BST1: variants seen among roughly 807,000 people sequenced by gnomAD.
The protein encoded by BST1 is ADP-ribosyl cyclase/cyclic ADP-ribose hydrolase 2.
Under a neutral mutation model 40.6 loss-of-function variants are expected in BST1, and 49 were observed. The observed-to-expected ratio is 1.21, with a 90% CI of 0.96 to 1.53. The LOEUF is 1.53. Among genes scored for constraint, BST1 ranks in the 40% most tolerant of loss-of-function variants. The pLI is 0.00. For missense variants in BST1, 423 were observed against 395.9 expected (o/e 1.07, Z -0.58); for synonymous variants, 157 against 159.3 (o/e 0.99, Z 0.11).
the BST1 span, among the ~76,000 whole-genome samples, chr4:15,748,922 A>T: frequency 2.0e-5 from 3 of 152,336 alleles, no homozygotes; most frequent in East Asian, 5.8e-4. Context: ...CAAGAGTCGC[A>T]GTAATTGAAA....
the BST1 span, among the ~76,000 whole-genome samples, chr4:15,773,204 C>T: frequency 6.6e-6 from 1 of 152,108 alleles, no homozygotes; most frequent in Admixed American, 6.5e-5. Flanking sequence ...AATTTGCAGG[C>T]AGTAGGAACT....
Position 15,731,971 on chromosome 4 carries a change from CTGAAAA to C in BST1, c.*129_*134del. On this transcript the variant is annotated 3_prime_UTR_variant, in exon 9 of 9. Coordinates refer to ENST00000265016, the MANE Select transcript of BST1 (RefSeq NM_004334.3). ...AGCTTTTTGCTGGGAAAACGATGTC[CTGAAAA>C]TGGTATTTCAATGAGGCATATGTTC... 7.2e-7 allele frequency: 1 copy of C among 1,392,894 alleles called. No homozygotes were observed. Among genetic ancestry groups the C allele is most frequent in the Non-Finnish European group, 9.4e-7 (1 of 1,068,306 alleles). The allele number at this position is 1,392,894 out of a possible 1,614,324, so 86.3% of individuals were successfully genotyped here. A position where few individuals can be genotyped will look rare whatever the true frequency, so the allele number is the denominator to read the frequency against.
chr4:15,734,418 A>G (rs938373056), downstream of BST1, among the ~76,000 whole-genome samples: 8 of 152,178 alleles, frequency 5.3e-5, no homozygotes, highest in Non-Finnish European at 1.2e-4. Flanking sequence ...AAAATATAAA[A>G]CTTAATTATA....
intron 1 of BST1, 86 bp downstream of exon 1, chr4:15,703,418 C>T (rs2148873698): frequency 2.8e-6 from 4 of 1,413,034 alleles, no homozygotes; most frequent in Non-Finnish European, 3.7e-6. Flanking sequence ...CGCTAAAGTT[C>T]GGGGTGAGGG....
chr4:15,749,758 G>A, the BST1 span, among the ~76,000 whole-genome samples: 1 of 152,226 alleles, frequency 6.6e-6, no homozygotes, highest in East Asian at 1.9e-4. Context: ...AAACAGGCAT[G>A]CAATGTGAAA....
downstream of BST1, chr4:15,736,002 G>A: frequency 8.9e-7 from 1 of 1,122,428 alleles, no homozygotes; most frequent in Non-Finnish European, 1.2e-6. Context: ...ACTGCACGCA[G>A]AGTAGCAGAC....
the BST1 span, among the ~76,000 whole-genome samples, chr4:15,753,751 A>G: frequency 1.3e-5 from 2 of 152,216 alleles, no homozygotes; most frequent in Non-Finnish European, 2.9e-5. Context: ...CAGATAGCAC[A>G]CTCAAATCAG....
intron 2 of BST1, among the ~76,000 whole-genome samples, chr4:15,706,496 T>C (rs1359751105): frequency 6.6e-6 from 1 of 152,232 alleles, no homozygotes; most frequent in Non-Finnish European, 1.5e-5. Flanking sequence ...ATATTCTGTA[T>C]ACACTCTCAG....
the BST1 span, among the ~76,000 whole-genome samples, chr4:15,764,873 GGTGTGT>G: frequency 2.2e-5 from 3 of 137,458 alleles, no homozygotes; most frequent in African/African-American, 5.5e-5. Context: ...AATTAGGTGA[GGTGTGT>G]GTGTGTGTGT....
At chr4:15,756,038 A>G in the BST1 span, among the ~76,000 whole-genome samples, 2 of 152,212 alleles carry the variant, frequency 1.3e-5, no homozygotes, top group African/African-American at 4.8e-5. Flanking sequence ...ATAAACATAA[A>G]CTTAAAAATT....
chr4:15,742,158 A>G (rs115272053), downstream of BST1, among the ~76,000 whole-genome samples: 437 of 152,300 alleles, frequency 2.9e-3, 1 homozygote, highest in African/African-American at 0.01. Context: ...TAAGTTTGCT[A>G]TGGTTTGAAT....
chr4:15,760,587 T>C, the BST1 span, among the ~76,000 whole-genome samples: 2 of 151,906 alleles, frequency 1.3e-5, no homozygotes, highest in African/African-American at 2.4e-5. Flanking sequence ...TTAAAACTAT[T>C]TATTAAATAA....
intron 7 of BST1, among the ~76,000 whole-genome samples, chr4:15,720,550 A>G (rs1467167791): frequency 3.3e-5 from 5 of 151,096 alleles, no homozygotes; most frequent in African/African-American, 4.9e-5. Context: ...CAGAGGTTCC[A>G]GTGAGCCAGG....
chr4:15,722,837 AT>A (rs1720884348), intron 7 of BST1, 37 bp from the exon 8 acceptor site: 11 of 1,583,852 alleles, frequency 6.9e-6, no homozygotes, highest in Non-Finnish European at 9.5e-6. Flanking sequence ...GATGAAAGTT[AT>A]TTAAATAATC....
chr4:15,736,751 T>C (rs115129126), downstream of BST1, among the ~76,000 whole-genome samples: 57 of 152,348 alleles, frequency 3.7e-4, no homozygotes, highest in Middle Eastern at 3.4e-3. Context: ...CCTTTGGATC[T>C]GGTACCTTTG....
chr4:15,765,475 A>G, the BST1 span, among the ~76,000 whole-genome samples: 5 of 152,136 alleles, frequency 3.3e-5, no homozygotes, highest in South Asian at 1.0e-3. Context: ...ACAAACAGCC[A>G]GAGTGAGCCT....
chr4:15,769,539 G>T, the BST1 span, among the ~76,000 whole-genome samples: 2 of 152,140 alleles, frequency 1.3e-5, no homozygotes, highest in Non-Finnish European at 2.9e-5. Flanking sequence ...GAGATGCTCA[G>T]GCTCAAAGAG....
rs1719833455 is a variant in BST1 at position 15,705,554 on chromosome 4, G to A, written c.228G>A (p.Val76=). 6.2e-7 allele frequency: 1 copy of A among 1,606,090 alleles called. No homozygotes were observed. The highest frequency in any genetic ancestry group is 8.5e-7 in the Non-Finnish European group (1 of 1,176,754). The stretch of plus-strand genomic sequence containing the variant: ...CAGCCATCTGGGAAGCCTTTAAAGT[G>A]GCGCTGGACAAGGATCCCTGCTCCG... The part of the protein sequence containing the change: ...NCTAIWEAFK[V]ALDKDPCSVL... Residue 76 remains valine (V), a synonymous_variant, in exon 2 of 9, where the codon GTG becomes GTA. Coordinates refer to ENST00000265016, the MANE Select transcript of BST1 (RefSeq NM_004334.3).
At chr4:15,738,329 G>C (rs934824575), downstream of BST1, 1 of 152,452 alleles carries the variant, frequency 6.6e-6, no homozygotes, top group Non-Finnish European at 1.5e-5. Flanking sequence ...ATTTGAAAAG[G>C]AATTTCAGAC....
Sources: gnomAD v4.1 joint callset for allele counts (sites outside exome capture counted in the v4.1 genomes callset) on GRCh38, gnomAD v4.1.1 for gene constraint, MANE v1.5 for transcripts, NCBI Gene and HGNC (gene_info 2026-07-23, HGNC 2026-07-21) for gene names.